The following USP22 variants were observed in gnomAD, a reference collection of about 807,000 sequenced individuals.
USP22 encodes the protein ubiquitin specific peptidase 22, also known as ubiquitin carboxyl-terminal hydrolase 22.
In USP22, 22 loss-of-function variants were observed where a neutral mutation model predicts 68.1. The observed-to-expected ratio is 0.32, with a 90% CI of 0.23 to 0.46. USP22 has a LOEUF of 0.46. USP22 is among the 20% of genes least tolerant of loss of function. The pLI is 1.00. For missense variants in USP22, 433 were observed against 695.8 expected (o/e 0.62, Z 4.25); for synonymous variants, 279 against 274.2 (o/e 1.02, Z -0.17).
intron 11 of USP22, 130 bp downstream of exon 11, chr17:21,004,785 AGCCAATAGTGGAG>A: frequency 3.5e-5 from 3 of 84,948 alleles, no homozygotes; most frequent in South Asian, 4.9e-4. Flanking sequence ...AGCTGCGGGC[AGCCAATAGTGGAG>A]CTGCGGGCAG....
intron 9 of USP22, 54 bp from the exon 10 acceptor site, chr17:21,007,041 C>A: frequency 6.7e-7 from 1 of 1,496,214 alleles, no homozygotes; most frequent in Non-Finnish European, 9.0e-7. Context: ...AGAAATGTCA[C>A]TGGAAGCTTC....
At chr17:21,032,006 G>A (rs1399154505) in intron 1 of USP22, among the ~76,000 whole-genome samples, 1 of 152,238 alleles carries the variant, frequency 6.6e-6, no homozygotes, top group African/African-American at 2.4e-5. Flanking sequence ...ACACCACATA[G>A]CAATGTTTCA....
chr17:21,026,286 A>G (rs927578440), intron 2 of USP22, among the ~76,000 whole-genome samples: 2 of 152,212 alleles, frequency 1.3e-5, no homozygotes, highest in African/African-American at 4.8e-5. Context: ...TCATAAACAC[A>G]TCATAGAAGA....
At position 21,029,572 on chromosome 17, in the gene USP22, C is replaced by T. The variant is rs117284611; in HGVS notation, c.172-898G>A. Among the ~76,000 whole-genome samples the T allele has an allele frequency of 5.0e-3, 758 of 152,258 alleles. 3 individuals are homozygous for T. Among genetic ancestry groups the T allele is most frequent in the Non-Finnish European group, 7.4e-3 (504 of 68,022 alleles). ...TTCAGGCAAGAATCATCAGTAGATG[C>T]TAGAACCACTGGGTAAAAAAATACT... is the stretch of plus-strand genomic sequence containing the variant. On this transcript the variant is annotated intron_variant, in intron 1 of 12. Coordinates refer to ENST00000261497, the MANE Select transcript of USP22 (RefSeq NM_015276.2).
intron 11 of USP22, 24 bp downstream of exon 11, chr17:21,004,904 C>A: frequency 6.2e-7 from 1 of 1,613,550 alleles, no homozygotes; most frequent in Non-Finnish European, 8.5e-7. Context: ...GCCCTGGACA[C>A]CCACACCGCT....
At chr17:21,004,768 C>CTAGTGGAGCTGCGGGCAGCCAA (rs66644145) in intron 11 of USP22, among the ~76,000 whole-genome samples, 160 bp downstream of exon 11, 17 of 151,762 alleles carry the variant, frequency 1.1e-4, no homozygotes, top group African/African-American at 3.9e-4. Context: ...GCGGCCTTTC[C>CTAGTGGAGCTGCGGGCAGCCAA]TAGTGGAGCT....
intron 1 of USP22, among the ~76,000 whole-genome samples, chr17:21,040,786 T>C (rs555014103): frequency 6.6e-6 from 1 of 151,728 alleles, no homozygotes; most frequent in Non-Finnish European, 1.5e-5. Context: ...TCATCCAAAG[T>C]AGTAACAAAT....
intron 6 of USP22, 107 bp downstream of exon 6, chr17:21,015,645 T>A: frequency 7.2e-7 from 1 of 1,388,556 alleles, no homozygotes; most frequent in Non-Finnish European, 9.5e-7. Flanking sequence ...AACAATGGAA[T>A]GTGTCACCTG....
chr17:21,007,586 C>T (rs1030130753), intron 9 of USP22, among the ~76,000 whole-genome samples: 26 of 152,160 alleles, frequency 1.7e-4, no homozygotes, highest in African/African-American at 6.3e-4. Flanking sequence ...GAGGGGGTAG[C>T]TGGAGGAATG....
intron 7 of USP22, 56 bp from the exon 8 acceptor site, chr17:21,011,365 G>A: frequency 6.5e-7 from 1 of 1,546,226 alleles, no homozygotes; most frequent in Non-Finnish European, 8.7e-7. Flanking sequence ...CAGCTCCAGA[G>A]GCAACCCGGG....
At chr17:21,038,700 TAA>T (rs1770315092) in intron 1 of USP22, among the ~76,000 whole-genome samples, 3 of 151,694 alleles carry the variant, frequency 2.0e-5, no homozygotes, top group African/African-American at 7.3e-5. Context: ...ATAAAAAATT[TAA>T]AAAAGTGTTT....
chr17:21,004,778 TGCGGGC>T lies in USP22; in HGVS notation c.1385+144_1385+149del. On this transcript the variant is annotated intron_variant, in intron 11 of 12. Transcript: ENST00000261497. ...GTGGAGCGGCCTTTCCTAGTGGAGC[TGCGGGC>T]AGCCAATAGTGGAGCTGCGGGCAGC... 1.7e-4 allele frequency: 15 copies of T among 86,516 alleles called. 5 individuals are homozygous for T. The highest frequency in any genetic ancestry group is 6.4e-3 in the Middle Eastern group (2 of 314). The allele number at this position is 86,516 out of a possible 1,614,324, so 5.4% of individuals were successfully genotyped here.
At chr17:21,034,482 T>C (rs1972330042) in intron 1 of USP22, among the ~76,000 whole-genome samples, 1 of 152,172 alleles carries the variant, frequency 6.6e-6, no homozygotes, top group Non-Finnish European at 1.5e-5. Context: ...TCAACCTCAG[T>C]CTGAAAATAG....
At chr17:21,041,095 G>C (rs1192890765) in intron 1 of USP22, among the ~76,000 whole-genome samples, 2 of 151,728 alleles carry the variant, frequency 1.3e-5, no homozygotes, top group East Asian at 2.0e-4. Flanking sequence ...ATGTTGGCCA[G>C]GCTGGTCTCG....
chr17:21,013,082 G>T, intron 6 of USP22, 147 bp from the exon 7 acceptor site: 2 of 601,816 alleles, frequency 3.3e-6, no homozygotes, highest in Non-Finnish European at 5.8e-6. Context: ...TTTAGCAGAG[G>T]GTGTCCTTGT....
intron 1 of USP22, among the ~76,000 whole-genome samples, chr17:21,033,014 A>G (rs1972311314): frequency 6.6e-6 from 1 of 151,332 alleles, no homozygotes; most frequent in Admixed American, 6.6e-5. Flanking sequence ...CTTGAGACAC[A>G]TTTGCAGACG....
At chr17:21,005,871 A>G (rs1166957470) in intron 10 of USP22, among the ~76,000 whole-genome samples, 1 of 152,234 alleles carries the variant, frequency 6.6e-6, no homozygotes, top group African/African-American at 2.4e-5. Flanking sequence ...AGATGTTGAG[A>G]TGAGATCCTC....
At chr17:21,038,649 GAGAC>G (rs1241463442) in intron 1 of USP22, among the ~76,000 whole-genome samples, 1 of 148,054 alleles carries the variant, frequency 6.8e-6, no homozygotes, top group Admixed American at 6.7e-5. Flanking sequence ...GCCTGAGTGA[GAGAC>G]AGACCCTGTC....
At chr17:21,039,020 C>T (rs4985966) in intron 1 of USP22, among the ~76,000 whole-genome samples, 30,551 of 151,728 alleles carry the variant, frequency 0.2, 3,823 homozygotes, top group South Asian at 0.29. Context: ...GGTGCGATCT[C>T]GGCTCACTGC....
Sources: allele counts gnomAD v4.1 joint callset (sites outside exome capture counted in the v4.1 genomes callset), GRCh38; gene constraint gnomAD v4.1.1; transcripts MANE v1.5; gene names NCBI Gene and HGNC (gene_info 2026-07-23, HGNC 2026-07-21).